PFKFB3: variants seen among roughly 807,000 people sequenced by gnomAD.
PFKFB3 encodes 6-phosphofructo-2-kinase/fructose-2,6-bisphosphatase 3.
PFKFB3 carries 33 observed loss-of-function variants against 68.0 expected under a neutral mutation model. The ratio of observed to expected loss-of-function variants is 0.49; its 90% CI spans 0.37 to 0.65. PFKFB3 has a LOEUF of 0.65. Among genes scored for constraint, PFKFB3 ranks in the 30% least tolerant of loss-of-function variants. The pLI, the probability that PFKFB3 is intolerant of heterozygous loss-of-function variation, is 0.00. For synonymous variants in PFKFB3, 315 were observed against 288.2 expected (o/e 1.09, Z -0.94); for missense variants, 586 against 712.2 (o/e 0.82, Z 2.02).
At chr10:6,193,064 A>T (rs1399518528) in intron 1 of PFKFB3, among the ~76,000 whole-genome samples, 1 of 152,096 alleles carries the variant, frequency 6.6e-6, no homozygotes, top group Non-Finnish European at 1.5e-5. Flanking sequence ...AGGATTATAT[A>T]TTGAGGTTGG....
intron 1 of PFKFB3, among the ~76,000 whole-genome samples, chr10:6,166,220 G>A (rs1842134936): frequency 6.6e-6 from 1 of 152,070 alleles, no homozygotes; most frequent in Non-Finnish European, 1.5e-5. Context: ...GAGCTCAGGT[G>A]ATCCGCCCGC....
intron 1 of PFKFB3, among the ~76,000 whole-genome samples, chr10:6,161,581 CACACAT>C (rs1451818275): frequency 2.0e-5 from 3 of 150,926 alleles, no homozygotes; most frequent in Non-Finnish European, 4.4e-5. Flanking sequence ...TATATACACA[CACACAT>C]ATATATATAC....
intron 14 of PFKFB3, among the ~76,000 whole-genome samples, chr10:6,243,236 A>G (rs1846179981): frequency 6.6e-6 from 1 of 152,182 alleles, no homozygotes; most frequent in African/African-American, 2.4e-5. Context: ...TTTAACAACC[A>G]TGTTGTAATC....
intron 1 of PFKFB3, among the ~76,000 whole-genome samples, chr10:6,191,206 A>G (rs1245316637): frequency 6.6e-6 from 1 of 152,242 alleles, no homozygotes; most frequent in African/African-American, 2.4e-5. Context: ...AATTATTTAA[A>G]GATACATTTG....
At chr10:6,302,796 A>ACACG in the PFKFB3 span, among the ~76,000 whole-genome samples, 7 of 136,940 alleles carry the variant, frequency 5.1e-5, no homozygotes, top group East Asian at 1.4e-3. Context: ...ACATACACAT[A>ACACG]TATATATATA....
rs372214537 is a variant in PFKFB3 at position 6,216,842 on chromosome 10, C to T, written c.441+62C>T. ...GGAGAGAGGAAAAGGCTTCAGGAAGCGGCCTGAGTCCTGCTTGGTCCTTCC... is the reference window on the plus strand; with the variant it reads ...GGAGAGAGGAAAAGGCTTCAGGAAGTGGCCTGAGTCCTGCTTGGTCCTTCC... On this transcript the variant is annotated intron_variant, in intron 5 of 14. Transcript: ENST00000379775. The T allele has an allele frequency of 3.3e-4, 397 of 1,194,442 alleles. No homozygotes were observed. The African/African-American group carries it at 3.3e-3, about 10-fold the overall frequency. 74.0% of individuals were successfully genotyped at this position (1,194,442 alleles called of 1,614,324 possible).
exon 1 of PFKFB3, chr10:6,144,967 G>A: frequency 7.8e-7 from 1 of 1,282,364 alleles, no homozygotes; most frequent in Non-Finnish European, 9.8e-7. Flanking sequence ...GGGTGTCGCG[G>A]GCCGGCCCCG....
At chr10:6,209,392 AAG>A (rs1844006965) in intron 1 of PFKFB3, among the ~76,000 whole-genome samples, 1 of 152,216 alleles carries the variant, frequency 6.6e-6, no homozygotes, top group Admixed American at 6.5e-5. Context: ...GTGTGTGAAA[AAG>A]AAGTTAAAAT....
the PFKFB3 span, among the ~76,000 whole-genome samples, chr10:6,268,955 T>C: frequency 1.7e-3 from 246 of 142,878 alleles, no homozygotes; most frequent in Middle Eastern, 3.8e-3. Flanking sequence ...CCCAGGAAGT[T>C]GAGGCTGCAG....
the PFKFB3 span, among the ~76,000 whole-genome samples, chr10:6,312,500 G>T: frequency 2.6e-5 from 4 of 152,008 alleles, no homozygotes; most frequent in African/African-American, 7.3e-5. Flanking sequence ...CAGGGACACT[G>T]CCCATAGAGA....
chr10:6,164,949 T>A (rs920042179), intron 1 of PFKFB3, among the ~76,000 whole-genome samples: 2 of 152,054 alleles, frequency 1.3e-5, no homozygotes, highest in Admixed American at 6.6e-5. Flanking sequence ...GACATTCCAT[T>A]CCCAGGGATG....
chr10:6,316,731 A>G, the PFKFB3 span, among the ~76,000 whole-genome samples: 1 of 152,194 alleles, frequency 6.6e-6, no homozygotes, highest in Non-Finnish European at 1.5e-5. Flanking sequence ...CCAAAGTGCT[A>G]GGATTACAGG....
chr10:6,324,487 C>T, the PFKFB3 span, among the ~76,000 whole-genome samples: 3 of 151,626 alleles, frequency 2.0e-5, no homozygotes, highest in East Asian at 2.0e-4. Context: ...AGTGCAGTGG[C>T]GTGATCTCGG....
the PFKFB3 span, among the ~76,000 whole-genome samples, chr10:6,323,214 A>G: frequency 6.6e-6 from 1 of 152,252 alleles, no homozygotes; most frequent in Non-Finnish European, 1.5e-5. Flanking sequence ...GGTTTATGCA[A>G]TTATGGAGGC....
chr10:6,326,166 T>C, the PFKFB3 span, among the ~76,000 whole-genome samples: 1 of 152,188 alleles, frequency 6.6e-6, no homozygotes, highest in African/African-American at 2.4e-5. Flanking sequence ...GCCCTTATGC[T>C]CAGCAAACTA....
chr10:6,310,123 G>T, the PFKFB3 span, among the ~76,000 whole-genome samples: 1 of 152,098 alleles, frequency 6.6e-6, no homozygotes, highest in Non-Finnish European at 1.5e-5. Context: ...ATCAGCCCAG[G>T]CAGACAGGAG....
the PFKFB3 span, among the ~76,000 whole-genome samples, chr10:6,290,181 T>C: frequency 6.6e-6 from 1 of 152,022 alleles, no homozygotes; most frequent in East Asian, 1.9e-4. Context: ...CTTCTCCTAA[T>C]TGAATACCCT....
chr10:6,208,496 A>C (rs1336152363), intron 1 of PFKFB3, among the ~76,000 whole-genome samples: 1 of 150,856 alleles, frequency 6.6e-6, no homozygotes, highest in Non-Finnish European at 1.5e-5. Context: ...TGTGGCACTC[A>C]AATACGGATA....
At chr10:6,157,209 T>A (rs1217376143) in intron 1 of PFKFB3, among the ~76,000 whole-genome samples, 1 of 151,736 alleles carries the variant, frequency 6.6e-6, no homozygotes, top group Non-Finnish European at 1.5e-5. Context: ...CAAAGGTGTC[T>A]GAATCTGTAA....
Sources: gnomAD v4.1 joint callset for allele counts (sites outside exome capture counted in the v4.1 genomes callset) on GRCh38, gnomAD v4.1.1 for gene constraint, MANE v1.5 for transcripts, NCBI Gene and HGNC (gene_info 2026-07-23, HGNC 2026-07-21) for gene names.